The following CNTNAP5 variants were observed in gnomAD, a reference collection of about 807,000 sequenced individuals.
The protein encoded by CNTNAP5 is contactin associated protein family member 5.
In CNTNAP5, 72 loss-of-function variants were observed where a neutral mutation model predicts 150.2. The ratio of observed to expected loss-of-function variants is 0.48; its 90% CI spans 0.40 to 0.58. CNTNAP5 has a LOEUF of 0.58. CNTNAP5 is among the 20% of genes least tolerant of loss of function. CNTNAP5 has a pLI of 0.00. For synonymous variants in CNTNAP5, 672 were observed against 619.8 expected, an observed-to-expected ratio of 1.08 and a Z score of -1.25; for missense variants, 1,636 against 1,626.2, an observed-to-expected ratio of 1.01 and a Z score of -0.10.
chr2:124,910,793 C>T (rs1678638938), intron 22 of CNTNAP5, among the ~76,000 whole-genome samples: 1 of 151,820 alleles, frequency 6.6e-6, no homozygotes, highest in Non-Finnish European at 1.5e-5. Context: ...TGTATAGTAG[C>T]CACAAGGTCC....
intron 14 of CNTNAP5, among the ~76,000 whole-genome samples, chr2:124,755,317 G>A (rs949764244): frequency 5.9e-5 from 9 of 152,002 alleles, no homozygotes; most frequent in Non-Finnish European, 1.3e-4. Context: ...TTGAGCAATT[G>A]CAAAATTGTA....
Position 124,301,755 on chromosome 2 carries a change from T to C in CNTNAP5, c.381+59362T>C, listed in dbSNP as rs547313279. Among the ~76,000 whole-genome samples the C allele has an allele frequency of 4.6e-5, 7 of 152,286 alleles. No homozygotes were observed. In the East Asian group the frequency reaches 7.7e-4, roughly 17 times the overall value. Reference sequence around the variant, plus strand: ...TGTTGCCATTTTGCCTCTGATCTCTTGGGTGACTAATTTCTGGATCCACCT... The same window carrying C: ...TGTTGCCATTTTGCCTCTGATCTCTCGGGTGACTAATTTCTGGATCCACCT... On this transcript the variant is annotated intron_variant, in intron 3 of 23. Coordinates refer to ENST00000682447, the MANE Select transcript of CNTNAP5 (RefSeq NM_001367498.1).
intron 3 of CNTNAP5, among the ~76,000 whole-genome samples, chr2:124,356,603 C>A (rs998943946): frequency 6.6e-6 from 1 of 151,844 alleles, no homozygotes; most frequent in African/African-American, 2.4e-5. Context: ...TCATGATTTC[C>A]AATTCATCCA....
chr2:124,365,168 T>A (rs1690338238), intron 3 of CNTNAP5, among the ~76,000 whole-genome samples: 1 of 151,936 alleles, frequency 6.6e-6, no homozygotes, highest in African/African-American at 2.4e-5. Flanking sequence ...TGAAATAAAT[T>A]AGCCGAGCAT....
intron 12 of CNTNAP5, among the ~76,000 whole-genome samples, chr2:124,613,421 T>G (rs1677426155): frequency 6.6e-6 from 1 of 152,188 alleles, no homozygotes; most frequent in South Asian, 2.1e-4. Flanking sequence ...GTTAAGTGCC[T>G]GGGGCCCAAG....
At chr2:124,788,603 C>CTTTCTTT (rs745963953) in intron 17 of CNTNAP5, among the ~76,000 whole-genome samples, 1 of 136,328 alleles carries the variant, frequency 7.3e-6, no homozygotes, top group Non-Finnish European at 1.6e-5. Flanking sequence ...TTCTTTCTTT[C>CTTTCTTT]TTTTTTTTTT....
intron 19 of CNTNAP5, among the ~76,000 whole-genome samples, chr2:124,854,067 A>G (rs1222514065): frequency 6.6e-6 from 1 of 152,160 alleles, no homozygotes; most frequent in Non-Finnish European, 1.5e-5. Flanking sequence ...ATTGATGGGC[A>G]TTTGTGATGA....
chr2:124,602,338 C>CAAAAA (rs35316532), intron 11 of CNTNAP5, among the ~76,000 whole-genome samples: 3 of 89,780 alleles, frequency 3.3e-5, no homozygotes, highest in African/African-American at 1.3e-4. Flanking sequence ...AAGACTTCAC[C>CAAAAA]AAAAAAAAAA....
chr2:124,399,462 G>A (rs772042261), intron 3 of CNTNAP5, among the ~76,000 whole-genome samples: 3 of 152,028 alleles, frequency 2.0e-5, no homozygotes, highest in Non-Finnish European at 4.4e-5. Context: ...TATCTTTGGC[G>A]AAAATTGACT....
At chr2:124,610,443 C>G (rs1677355017) in intron 12 of CNTNAP5, among the ~76,000 whole-genome samples, 1 of 152,126 alleles carries the variant, frequency 6.6e-6, no homozygotes, top group African/African-American at 2.4e-5. Context: ...AGCAGCTAGC[C>G]AGGCTGGTTG....
chr2:124,324,088 T>C (rs1689162157), intron 3 of CNTNAP5, among the ~76,000 whole-genome samples: 1 of 152,210 alleles, frequency 6.6e-6, no homozygotes, highest in Non-Finnish European at 1.5e-5. Context: ...GACTTGACTA[T>C]CTATTATGGG....
At chr2:124,385,236 T>C (rs1386646864) in intron 3 of CNTNAP5, among the ~76,000 whole-genome samples, 1 of 152,216 alleles carries the variant, frequency 6.6e-6, no homozygotes, top group Non-Finnish European at 1.5e-5. Context: ...GTTGTGTTTG[T>C]TTTTACGGCA....
At chr2:124,715,995 C>T (rs1033623873) in intron 13 of CNTNAP5, among the ~76,000 whole-genome samples, 11 of 152,128 alleles carry the variant, frequency 7.2e-5, no homozygotes, top group Admixed American at 4.6e-4. Flanking sequence ...ACTAATTCTA[C>T]TGAGGTATAT....
chr2:124,899,405 C>G lies in CNTNAP5; in HGVS notation c.3437-3477C>G, dbSNP rs1678371717. Among the ~76,000 whole-genome samples the G allele has an allele frequency of 5.9e-5, 9 of 151,350 alleles. No individual in the cohort carries two copies. The South Asian group carries it at 1.9e-3, about 31-fold the overall frequency. On this transcript the variant is annotated intron_variant, in intron 21 of 23. Coordinates refer to ENST00000682447, the MANE Select transcript of CNTNAP5 (RefSeq NM_001367498.1). ...AGCAGCTCGTGCTGTTTTTACATCACCCTTGGAGGACATGGGGCTAAAATC... is the reference window on the plus strand; with the variant it reads ...AGCAGCTCGTGCTGTTTTTACATCAGCCTTGGAGGACATGGGGCTAAAATC...
intron 11 of CNTNAP5, among the ~76,000 whole-genome samples, chr2:124,582,336 G>T (rs921224226): frequency 6.6e-6 from 1 of 152,150 alleles, no homozygotes; most frequent in South Asian, 2.1e-4. Flanking sequence ...ACCAGGATTT[G>T]ACTCAAAGAG....
intron 3 of CNTNAP5, among the ~76,000 whole-genome samples, chr2:124,263,410 C>T (rs377659825): frequency 6.6e-6 from 1 of 152,164 alleles, no homozygotes; most frequent in African/African-American, 2.4e-5. Context: ...TGATGATGAG[C>T]ATTTTTTCAT....
intron 11 of CNTNAP5, among the ~76,000 whole-genome samples, chr2:124,599,633 A>G (rs190110282): frequency 1.3e-3 from 200 of 152,360 alleles, no homozygotes; most frequent in African/African-American, 4.7e-3. Flanking sequence ...GAGAAATAGA[A>G]GTACCAGTGA....
chr2:124,510,293 C>CTATATA (rs1176912394), intron 8 of CNTNAP5, among the ~76,000 whole-genome samples: 4,755 of 22,024 alleles, frequency 0.22, 381 homozygotes, highest in East Asian at 0.48. Context: ...ATCTATATAT[C>CTATATA]TATATATCTA....
At chr2:124,484,942 CCTT>C (rs1245759260) in intron 7 of CNTNAP5, among the ~76,000 whole-genome samples, 1 of 152,074 alleles carries the variant, frequency 6.6e-6, no homozygotes, top group Non-Finnish European at 1.5e-5. Flanking sequence ...TTCCTAATAA[CCTT>C]CTATAAGTGT....
Sources: gnomAD v4.1 joint callset for allele counts (sites outside exome capture counted in the v4.1 genomes callset) on GRCh38, gnomAD v4.1.1 for gene constraint, MANE v1.5 for transcripts, NCBI Gene and HGNC (gene_info 2026-07-23, HGNC 2026-07-21) for gene names.